CENPP: variants seen among roughly 807,000 people sequenced by gnomAD.
The protein encoded by CENPP is centromere protein P.
In CENPP, 24 loss-of-function variants were observed where a neutral mutation model predicts 35.6. That is an observed-to-expected ratio of 0.67 (90% confidence interval 0.49 to 0.95). The LOEUF (loss-of-function observed/expected upper bound fraction) is 0.95, where lower values mean the gene tolerates loss of function less well. Ranked by LOEUF, CENPP falls within the 40% of genes least tolerant of loss-of-function variation. The pLI, the probability that CENPP is intolerant of heterozygous loss-of-function variation, is 0.00. For missense variants in CENPP, 332 were observed against 345.3 expected, an observed-to-expected ratio of 0.96 and a Z score of 0.31; for synonymous variants, 120 against 125.5, an observed-to-expected ratio of 0.96 and a Z score of 0.29.
chr9:92,464,371 C>T (rs1461399249), intron 5 of CENPP, among the ~76,000 whole-genome samples: 1 of 152,180 alleles, frequency 6.6e-6, no homozygotes, highest in Non-Finnish European at 1.5e-5. Flanking sequence ...GTGGTCACTT[C>T]CTACGTGCTG....
chr9:92,542,346 C>T (rs1449307960), intron 5 of CENPP, among the ~76,000 whole-genome samples: 1 of 152,062 alleles, frequency 6.6e-6, no homozygotes, highest in East Asian at 1.9e-4. Flanking sequence ...TGTATGTTGT[C>T]CCTTAACTCT....
chr9:92,355,893 A>G (rs1428079062), intron 4 of CENPP, among the ~76,000 whole-genome samples: 5 of 152,366 alleles, frequency 3.3e-5, no homozygotes, highest in East Asian at 3.9e-4. Flanking sequence ...GGGGTAGAAT[A>G]GACACTTTAA....
chr9:92,573,737 T>C (rs1017481586), intron 5 of CENPP, among the ~76,000 whole-genome samples: 8 of 152,324 alleles, frequency 5.3e-5, no homozygotes, highest in Admixed American at 3.3e-4. Context: ...TGAGCTGCAG[T>C]GGGCTCCACC....
At chr9:92,559,159 T>C (rs1416485045) in intron 5 of CENPP, among the ~76,000 whole-genome samples, 1 of 152,168 alleles carries the variant, frequency 6.6e-6, no homozygotes, top group Admixed American at 6.5e-5. Flanking sequence ...CCCGTTCAAA[T>C]TGTTACAAAG....
intron 5 of CENPP, among the ~76,000 whole-genome samples, chr9:92,566,756 C>T (rs578218598): frequency 6.6e-6 from 1 of 152,272 alleles, no homozygotes; most frequent in South Asian, 2.1e-4. Context: ...TCAACTTATG[C>T]ACTGTGGGAG....
intron 5 of CENPP, among the ~76,000 whole-genome samples, chr9:92,424,998 C>T (rs1275647887): frequency 6.6e-6 from 1 of 152,154 alleles, no homozygotes; most frequent in Non-Finnish European, 1.5e-5. Context: ...TTTCTTGAGT[C>T]CCTTGGTTAT....
At chr9:92,387,316 C>T (rs1381232160) in intron 5 of CENPP, among the ~76,000 whole-genome samples, 3 of 150,728 alleles carry the variant, frequency 2.0e-5, no homozygotes, top group African/African-American at 7.3e-5. Context: ...GTGGAGGTTG[C>T]AGTGAGCCGA....
intron 5 of CENPP, among the ~76,000 whole-genome samples, chr9:92,394,693 C>T (rs996620373): frequency 3.3e-5 from 5 of 150,300 alleles, no homozygotes; most frequent in African/African-American, 1.2e-4. Flanking sequence ...CAGTCTCCGC[C>T]TCCCGGGTTC....
At chr9:92,335,877 TTGC>T (rs1313399516) in intron 2 of CENPP, among the ~76,000 whole-genome samples, 1 of 152,226 alleles carries the variant, frequency 6.6e-6, no homozygotes, top group Non-Finnish European at 1.5e-5. Context: ...GTTTTTGCCT[TTGC>T]GTATAAACTT....
chr9:92,504,427 T>C (rs1588193716), intron 5 of CENPP, among the ~76,000 whole-genome samples: 2 of 152,336 alleles, frequency 1.3e-5, no homozygotes, highest in East Asian at 3.9e-4. Flanking sequence ...TCTGGCTGGA[T>C]GATCATGTGG....
At chr9:92,350,724 T>C (rs1001776498) in intron 4 of CENPP, among the ~76,000 whole-genome samples, 1 of 152,246 alleles carries the variant, frequency 6.6e-6, no homozygotes, top group African/African-American at 2.4e-5. Context: ...AAAATAGTTA[T>C]TAGACTGACT....
At chr9:92,448,421 C>T (rs1167116386) in intron 5 of CENPP, among the ~76,000 whole-genome samples, 3 of 151,998 alleles carry the variant, frequency 2.0e-5, no homozygotes, top group Non-Finnish European at 2.9e-5. Flanking sequence ...AGGTGCCCAC[C>T]ACTATGCCCA....
At chr9:92,396,361 A>G (rs1455325421) in intron 5 of CENPP, among the ~76,000 whole-genome samples, 12 of 151,604 alleles carry the variant, frequency 7.9e-5, no homozygotes, top group Admixed American at 7.9e-4. Context: ...ATATTTTAGA[A>G]TCAGCTTGTT....
chr9:92,407,045 G>A (rs1259435785), intron 5 of CENPP, among the ~76,000 whole-genome samples: 1 of 152,206 alleles, frequency 6.6e-6, no homozygotes, highest in African/African-American at 2.4e-5. Flanking sequence ...CAAAGGGGGA[G>A]ATGCGTAGGG....
chr9:92,483,933 T>G (rs1410805075), intron 5 of CENPP, among the ~76,000 whole-genome samples: 2 of 152,224 alleles, frequency 1.3e-5, no homozygotes, highest in Non-Finnish European at 2.9e-5. Flanking sequence ...ACGGCCCTCC[T>G]GTTTGGTTTA....
intron 5 of CENPP, among the ~76,000 whole-genome samples, chr9:92,464,561 G>A (rs1007333806): frequency 6.6e-6 from 1 of 152,238 alleles, no homozygotes; most frequent in East Asian, 1.9e-4. Flanking sequence ...TGGGGACAGG[G>A]TCTCTTGCCC....
chr9:92,565,161 T>C (rs1849934590), intron 5 of CENPP, among the ~76,000 whole-genome samples: 1 of 151,950 alleles, frequency 6.6e-6, no homozygotes, highest in Non-Finnish European at 1.5e-5. Flanking sequence ...ATTTTGGAAC[T>C]CTGGAGTCTA....
rs67070835 is a variant in CENPP at position 92,352,510 on chromosome 9, C to CATATATATATATATATATATATATAT, written c.467+6727_467+6752dup. Among the ~76,000 whole-genome samples, 68 of 50,380 alleles carry CATATATATATATATATATATATATAT rather than the reference C, an allele frequency of 1.3e-3. 3 individuals carry two copies. The highest frequency in any genetic ancestry group is 2.5e-3 in the South Asian group (4 of 1,626). The allele number at this position is 50,380 out of a possible 152,430, so 33.1% of individuals were successfully genotyped here. ...GTGTGTGTGTGTGTGTGTGTGTATA[C>CATATATATATATATATATATATATAT]ATATATATATATATATATATATATA... On this transcript the variant is annotated intron_variant, in intron 4 of 7. Transcript: ENST00000375587.
At position 92,615,827 on chromosome 9, in the gene CENPP, A is replaced by C. The variant is rs746841324; in HGVS notation, c.*2678A>C. 3 of 1,600,536 alleles carry C rather than the reference A, an allele frequency of 1.9e-6. No individual in the cohort carries two copies. In the South Asian group the frequency reaches 3.3e-5, roughly 18 times the overall value. On this transcript the variant is annotated 3_prime_UTR_variant, in exon 8 of 8. Transcript: ENST00000375587. The stretch of plus-strand genomic sequence containing the variant: ...TCAAGTTTCAAAGACACTGCAGGGA[A>C]AGAGTTAGACCTTGTGGAGAACTAA...
Sources: gnomAD v4.1 joint callset for allele counts (sites outside exome capture counted in the v4.1 genomes callset) on GRCh38, gnomAD v4.1.1 for gene constraint, MANE v1.5 for transcripts, NCBI Gene and HGNC (gene_info 2026-07-23, HGNC 2026-07-21) for gene names.